The following NBPF15 variants were observed in gnomAD, a reference collection of about 807,000 sequenced individuals.
The protein encoded by NBPF15 is NBPF member 15.
A neutral mutation model predicts 62.2 loss-of-function variants in NBPF15; 74 were observed. The observed-to-expected ratio is 1.19, with a 90% CI of 0.99 to 1.44. The LOEUF (loss-of-function observed/expected upper bound fraction) is 1.44, where lower values mean the gene tolerates loss of function less well. Among genes scored for constraint, NBPF15 ranks in the 40% most tolerant of loss-of-function variants. The pLI is 0.00. For synonymous variants in NBPF15, 244 were observed against 209.7 expected, an observed-to-expected ratio of 1.16 and a Z score of -1.41; for missense variants, 790 against 550.0, an observed-to-expected ratio of 1.44 and a Z score of -4.36.
intron 2 of NBPF15, among the ~76,000 whole-genome samples, chr1:144,459,857 C>A (rs1340043092): frequency 6.6e-6 from 1 of 151,656 alleles, no homozygotes. Context: ...AGTATCCCTG[C>A]TAAATGGTAC....
rs1429584991 is a variant in NBPF15 at position 144,424,913 on chromosome 1, C to G, written c.1491-51G>C. The G allele has an allele frequency of 5.6e-6, 3 of 531,312 alleles. No individual in the cohort carries two copies. In the African/African-American group the frequency reaches 7.6e-5, roughly 13 times the overall value. The allele number at this position is 531,312 out of a possible 1,614,324, so 32.9% of individuals were successfully genotyped here. ...ATAAGCCAGGGGAAATCAGACACAA[C>G]AGAGCCCCAACTAGGTTTCATGGGT... On this transcript the variant is annotated intron_variant, in intron 19 of 21. Coordinates refer to ENST00000581897, the MANE Select transcript of NBPF15 (RefSeq NM_001385408.1).
chr1:144,434,884 G>T (rs1327297285), intron 12 of NBPF15, among the ~76,000 whole-genome samples: 1 of 152,032 alleles, frequency 6.6e-6, no homozygotes, highest in Non-Finnish European at 1.5e-5. Flanking sequence ...CTGCACTCAG[G>T]TGACTATGAG....
chr1:144,441,282 A>G (rs1682753397), intron 6 of NBPF15, among the ~76,000 whole-genome samples: 1 of 151,612 alleles, frequency 6.6e-6, no homozygotes, highest in Admixed American at 6.6e-5. Context: ...ATTGTTTTAC[A>G]TTTCTATGAA....
At position 144,424,794 on chromosome 1, in the gene NBPF15, G is replaced by C; in HGVS notation, c.1559C>G (p.Ser520Ter). 1 of 589,074 alleles carries C rather than the reference G, an allele frequency of 1.7e-6. No individual in the cohort carries two copies. Among genetic ancestry groups the C allele is most frequent in the South Asian group, 2.0e-5 (1 of 49,274 alleles). 36.5% of individuals were successfully genotyped at this position (589,074 alleles called of 1,614,324 possible). The change falls in exon 20 of 22, where the codon TCA becomes TGA. Residue 520 changes from serine (S) to a stop codon, truncating the protein, a stop_gained. Coordinates refer to ENST00000581897, the MANE Select transcript of NBPF15 (RefSeq NM_001385408.1). LOFTEE classifies it high-confidence loss of function. ...CTGTTCAAGACAACTGGAAGGAGTT[G>C]AATAACATCTATCCAGTGAGTCCTG... is the stretch of plus-strand genomic sequence containing the variant. ...VLQDSLDRCY[S>*]TPSSCLEQPD...
intron 14 of NBPF15, 55 bp downstream of exon 14, chr1:144,429,645 G>T: frequency 1.7e-6 from 1 of 599,398 alleles, no homozygotes; most frequent in South Asian, 1.9e-5. Context: ...AAAGATTATG[G>T]GGTCTACCTG....
intron 8 of NBPF15, among the ~76,000 whole-genome samples, chr1:144,438,796 A>G (rs1680616923): frequency 6.6e-6 from 1 of 151,840 alleles, no homozygotes; most frequent in South Asian, 2.1e-4. Context: ...GGGACAGACA[A>G]GACAAGCAAC....
At chr1:144,450,449 C>T (rs1449651688) in intron 5 of NBPF15, among the ~76,000 whole-genome samples, 2 of 151,978 alleles carry the variant, frequency 1.3e-5, no homozygotes, top group Admixed American at 6.6e-5. Flanking sequence ...CAGCCCCCCA[C>T]AAACAAGAAT....
intron 6 of NBPF15, among the ~76,000 whole-genome samples, chr1:144,440,962 C>T (rs1245023904): frequency 4.6e-5 from 7 of 151,836 alleles, no homozygotes; most frequent in Admixed American, 1.3e-4. Flanking sequence ...GCCACCGCAC[C>T]CGGCCGACTT....
At chr1:144,443,124 C>A (rs1176888675) in intron 6 of NBPF15, 1 of 154,416 alleles carries the variant, frequency 6.5e-6, no homozygotes, top group Non-Finnish European at 1.5e-5. Context: ...GCTGCCAAAA[C>A]CACATGGGCT....
chr1:144,457,173 C>T (rs1488792904), intron 3 of NBPF15, among the ~76,000 whole-genome samples: 5 of 151,832 alleles, frequency 3.3e-5, no homozygotes, highest in Admixed American at 2.0e-4. Flanking sequence ...AATAAAGAGT[C>T]CTGACTAAAT....
chr1:144,423,559 T>C (rs1553538697), intron 21 of NBPF15, among the ~76,000 whole-genome samples: 2 of 151,934 alleles, frequency 1.3e-5, no homozygotes, highest in Non-Finnish European at 2.9e-5. Context: ...AGTGCCCTCA[T>C]GACACACAGC....
intron 20 of NBPF15, among the ~76,000 whole-genome samples, chr1:144,424,268 A>C (rs1397435529): frequency 1.3e-5 from 2 of 151,666 alleles, no homozygotes; most frequent in African/African-American, 2.4e-5. Flanking sequence ...TAAAGCAAAT[A>C]CCCTCAAATG....
intron 20 of NBPF15, among the ~76,000 whole-genome samples, chr1:144,424,454 G>A (rs1553538874): frequency 6.6e-6 from 1 of 151,996 alleles, no homozygotes. Flanking sequence ...TGTCATGAGA[G>A]TAGAATCAGA....
chr1:144,424,674 A>G lies in NBPF15; in HGVS notation c.1663+16T>C, dbSNP rs2101588989. 1 of 636,254 alleles carries G rather than the reference A, an allele frequency of 1.6e-6. No homozygotes were observed. The highest frequency in any genetic ancestry group is 2.6e-5 in the East Asian group (1 of 38,012). 39.4% of individuals were successfully genotyped at this position (636,254 alleles called of 1,614,324 possible). A position where few individuals can be genotyped will look rare whatever the true frequency, so the allele number is the denominator to read the frequency against. On this transcript the variant is annotated intron_variant, in intron 20 of 21. Coordinates refer to ENST00000581897, the MANE Select transcript of NBPF15 (RefSeq NM_001385408.1). ...GACTCAGTGGATCCTTATCACCTTC[A>G]TAGAAAGGTACTCACCTCCCACGTC...
chr1:144,423,366 GATTC>G, intron 21 of NBPF15, 110 bp from the exon 22 acceptor site: 1 of 1,597,320 alleles, frequency 6.3e-7, no homozygotes, highest in Non-Finnish European at 8.5e-7. Flanking sequence ...AAAAAGGATA[GATTC>G]ATTAATGAGG....
chr1:144,426,104 T>G (rs1268372744), intron 18 of NBPF15, among the ~76,000 whole-genome samples, 174 bp downstream of exon 18: 1 of 94,428 alleles, frequency 1.1e-5, no homozygotes, highest in Non-Finnish European at 2.0e-5. Flanking sequence ...ACTGACCCAT[T>G]TCATGTCTAG....
At chr1:144,432,137 C>T in intron 13 of NBPF15, among the ~76,000 whole-genome samples, 1 of 151,990 alleles carries the variant, frequency 6.6e-6, no homozygotes. Flanking sequence ...TATTTCTCCA[C>T]ATCCTCTCCA....
intron 6 of NBPF15, among the ~76,000 whole-genome samples, chr1:144,445,896 AC>A (rs1687177060): frequency 8.5e-6 from 1 of 118,020 alleles, no homozygotes; most frequent in Non-Finnish European, 1.6e-5. Context: ...TTGCTCTGTT[AC>A]CCAGGCTGGA....
intron 13 of NBPF15, among the ~76,000 whole-genome samples, chr1:144,432,670 T>A (rs1553540402): frequency 1.3e-5 from 2 of 152,000 alleles, no homozygotes; most frequent in Non-Finnish European, 1.5e-5. Flanking sequence ...TAGTCTCTGA[T>A]AAAACAGACT....
Sources: allele counts gnomAD v4.1 joint callset (sites outside exome capture counted in the v4.1 genomes callset), GRCh38; gene constraint gnomAD v4.1.1; transcripts MANE v1.5; gene names NCBI Gene and HGNC (gene_info 2026-07-23, HGNC 2026-07-21).